Variants in RBBP8 observed in about 807,000 individuals in gnomAD.
RBBP8 encodes the protein DNA endonuclease RBBP8.
In RBBP8, 88 loss-of-function variants were observed where a neutral mutation model predicts 108.3. The ratio of observed to expected loss-of-function variants is 0.81; its 90% confidence interval spans 0.68 to 0.97. The LOEUF is 0.97. RBBP8 is among the 50% of genes least tolerant of loss of function. The pLI is 0.00. For missense variants in RBBP8, 1,023 were observed against 1,049.0 expected (o/e 0.98, Z 0.34); for synonymous variants, 332 against 348.2 (o/e 0.95, Z 0.52).
In RBBP8 at chr18:22,989,246, C is replaced by A; in HGVS notation, c.735C>A (p.Thr245=). 1 of 1,609,522 alleles carries A rather than the reference C, an allele frequency of 6.2e-7. No homozygotes were observed. The highest frequency in any genetic ancestry group is 1.1e-5 in the South Asian group (1 of 90,902). Residue 245 remains threonine, a synonymous_variant, in exon 9 of 19, where the codon ACC becomes ACA. Coordinates refer to ENST00000327155, the MANE Select transcript of RBBP8 (RefSeq NM_002894.3). ...MAKAHGTSSY[T]PDKSSFNLAT... is the part of the protein sequence containing the mutation. ...AAGCACATGGAACAAGCAGCTATAC[C>A]CCTGATAAGTCATCTTTTAATTTAG...
At chr18:22,916,035 C>A (rs1031652) in intron 2 of RBBP8, among the ~76,000 whole-genome samples, 22 of 151,686 alleles carry the variant, frequency 1.5e-4, no homozygotes, top group African/African-American at 5.1e-4. Context: ...TGATACATTG[C>A]GATATTTTTG....
At chr18:22,992,590 A>G (rs1262652845) in intron 10 of RBBP8, among the ~76,000 whole-genome samples, 158 bp from the exon 11 acceptor site, 2 of 152,160 alleles carry the variant, frequency 1.3e-5, no homozygotes, top group Admixed American at 6.5e-5. Flanking sequence ...TTCCTATGTC[A>G]TTTTCCTCTG....
chr18:23,022,139 A>C lies in RBBP8; in HGVS notation c.2465A>C (p.Asp822Ala). Residue 822 changes from aspartate to alanine, a missense_variant, in exon 18 of 19, where the codon GAT becomes GCT. By Grantham distance (126) the Asp-to-Ala change is moderately radical. Coordinates refer to ENST00000327155, the MANE Select transcript of RBBP8 (RefSeq NM_002894.3). ...AGTTTTTATTATTAGTATTATGCAG[A>C]TATGCCAGCAGAAGAAAGAGAAAAG... ...TCKECEIYYA[D>A]MPAEEREKKL... 6.2e-7 allele frequency: 1 copy of C among 1,600,698 alleles called. No individual in the cohort carries two copies. The highest frequency in any genetic ancestry group is 8.6e-7 in the Non-Finnish European group (1 of 1,167,768).
At chr18:22,935,201 C>A (rs900258087) in intron 1 of RBBP8, among the ~76,000 whole-genome samples, 3 of 150,864 alleles carry the variant, frequency 2.0e-5, no homozygotes, top group African/African-American at 7.3e-5. Flanking sequence ...AATTATGAAC[C>A]CCATTGTATA....
At chr18:22,932,533 A>C (rs1288964258), upstream of RBBP8, among the ~76,000 whole-genome samples, 1 of 152,138 alleles carries the variant, frequency 6.6e-6, no homozygotes, top group African/African-American at 2.4e-5. Context: ...CTTTGTATTT[A>C]TGATTTCTAA....
intron 17 of RBBP8, 56 bp downstream of exon 17, chr18:23,016,980 A>G: frequency 1.6e-6 from 2 of 1,258,300 alleles, no homozygotes; most frequent in African/African-American, 3.0e-5. Context: ...TAGATAATAA[A>G]TGCATGATTT....
intron 2 of RBBP8, among the ~76,000 whole-genome samples, chr18:22,940,320 C>T (rs1472111807): frequency 3.6e-5 from 4 of 110,298 alleles, no homozygotes; most frequent in Admixed American, 9.1e-5. Context: ...TTCTATATTT[C>T]TTTTTTTTTT....
intron 3 of RBBP8, chr18:22,917,110 G>A (rs1909393477): frequency 6.6e-6 from 1 of 152,088 alleles, no homozygotes; most frequent in African/African-American, 2.4e-5. Flanking sequence ...ACAGAAAGTT[G>A]GAGAACCAAA....
chr18:22,984,602 A>C (rs1234667562), intron 7 of RBBP8, among the ~76,000 whole-genome samples: 1 of 152,222 alleles, frequency 6.6e-6, no homozygotes, highest in Non-Finnish European at 1.5e-5. Flanking sequence ...TAAAAAGAGA[A>C]GTAACACTAA....
intron 4 of RBBP8, among the ~76,000 whole-genome samples, chr18:22,960,308 A>G (rs771318887): frequency 6.6e-6 from 1 of 152,216 alleles, no homozygotes; most frequent in Non-Finnish European, 1.5e-5. Context: ...TATTCCCAGC[A>G]TGGGAGGCCA....
intron 2 of RBBP8, among the ~76,000 whole-genome samples, chr18:22,938,471 G>A (rs1910773262): frequency 6.6e-6 from 1 of 152,156 alleles, no homozygotes; most frequent in Non-Finnish European, 1.5e-5. Flanking sequence ...ACAGGCGTGA[G>A]CTGCGCCCAG....
intron 6 of RBBP8, among the ~76,000 whole-genome samples, chr18:22,980,714 GTT>G (rs78281669): frequency 1.7e-4 from 23 of 136,826 alleles, no homozygotes; most frequent in Non-Finnish European, 2.4e-4. Flanking sequence ...TCTTTTTGGG[GTT>G]TTTTTTTTTT....
chr18:23,008,104 G>A (rs746715627), intron 16 of RBBP8, among the ~76,000 whole-genome samples: 31 of 152,192 alleles, frequency 2.0e-4, no homozygotes, highest in African/African-American at 4.6e-4. Context: ...GAACCACCAC[G>A]CCTGGCGCTA....
At chr18:22,986,632 AAATT>A (rs1374980399) in intron 8 of RBBP8, among the ~76,000 whole-genome samples, 1 of 152,202 alleles carries the variant, frequency 6.6e-6, no homozygotes, top group African/African-American at 2.4e-5. Context: ...AAATAGGAGA[AAATT>A]AATAATTCTG....
At chr18:22,937,029 A>G (rs775931849) in intron 2 of RBBP8, 69 bp downstream of exon 2, 17 of 1,598,290 alleles carry the variant, frequency 1.1e-5, no homozygotes, top group Non-Finnish European at 1.4e-5. Flanking sequence ...ATACCTTTGT[A>G]TGACAGTCCT....
At chr18:22,940,236 GCTTTATATAGTATTGACATCTT>G (rs1405079985) in intron 2 of RBBP8, among the ~76,000 whole-genome samples, 1 of 151,726 alleles carries the variant, frequency 6.6e-6, no homozygotes, top group Non-Finnish European at 1.5e-5. Flanking sequence ...TCTGTAGATT[GCTTTATATAGTATTGACATCTT>G]AACAATATTG....
At chr18:22,961,136 T>C (rs1336676278) in intron 4 of RBBP8, among the ~76,000 whole-genome samples, 1 of 152,226 alleles carries the variant, frequency 6.6e-6, no homozygotes, top group African/African-American at 2.4e-5. Flanking sequence ...ATTATATGTA[T>C]GTGACCAGTA....
At chr18:23,004,352 G>T (rs1034121393) in intron 15 of RBBP8, among the ~76,000 whole-genome samples, 1 of 152,006 alleles carries the variant, frequency 6.6e-6, no homozygotes, top group Non-Finnish European at 1.5e-5. Context: ...ACAAAATTCT[G>T]TCATTTGTGC....
intron 6 of RBBP8, 39 bp downstream of exon 6, chr18:22,975,258 T>C (rs769881702): frequency 8.7e-6 from 14 of 1,605,366 alleles, no homozygotes; most frequent in Non-Finnish European, 1.2e-5. Context: ...TTATTTTATT[T>C]AGCTATACAA....
Sources: allele counts gnomAD v4.1 joint callset (sites outside exome capture counted in the v4.1 genomes callset), GRCh38; gene constraint gnomAD v4.1.1; transcripts MANE v1.5; gene names NCBI Gene and HGNC (gene_info 2026-07-23, HGNC 2026-07-21).